MED15: variants seen among roughly 807,000 people sequenced by gnomAD.
MED15 encodes mediator complex subunit 15, also known as mediator of RNA polymerase II transcription subunit 15.
In MED15, 41 loss-of-function variants were observed where a neutral mutation model predicts 118.7. The observed-to-expected ratio is 0.35, with a 90% CI of 0.27 to 0.45. The LOEUF is 0.45. Among genes scored for constraint, MED15 ranks in the 20% least tolerant of loss-of-function variants. The pLI is 1.00. For missense variants in MED15, 740 were observed against 1,025.5 expected, an observed-to-expected ratio of 0.72 and a Z score of 3.80; for synonymous variants, 436 against 413.9, an observed-to-expected ratio of 1.05 and a Z score of -0.65.
chr22:20,525,364 C>T (rs762990686), intron 1 of MED15, among the ~76,000 whole-genome samples: 1 of 151,726 alleles, frequency 6.6e-6, no homozygotes, highest in Non-Finnish European at 1.5e-5. Flanking sequence ...AGGCGTGGGC[C>T]ACCACGCCCA....
At chr22:20,584,330 C>CT in intron 13 of MED15, 29 bp from the exon 14 acceptor site, 1 of 1,611,336 alleles carries the variant, frequency 6.2e-7, no homozygotes, top group Non-Finnish European at 8.5e-7. Context: ...GTCTTCCACT[C>CT]TTTCAGCCCA....
chr22:20,520,966 C>A (rs2054426344), intron 1 of MED15, among the ~76,000 whole-genome samples: 1 of 151,786 alleles, frequency 6.6e-6, no homozygotes, highest in African/African-American at 2.4e-5. Flanking sequence ...TCTCGAACTC[C>A]TGGGCTCAAG....
intron 1 of MED15, 47 bp downstream of exon 1, chr22:20,507,793 T>C (rs749166692): frequency 6.2e-7 from 1 of 1,611,864 alleles, no homozygotes. Context: ...ACCTTCCTCC[T>C]TAGCGTGGCG....
At chr22:20,563,035 CAAAA>C (rs201833043) in intron 5 of MED15, among the ~76,000 whole-genome samples, 1 of 141,688 alleles carries the variant, frequency 7.1e-6, no homozygotes, top group East Asian at 2.0e-4. Flanking sequence ...GACCCCACCT[CAAAA>C]AAAAAAAATC....
chr22:20,549,991 T>G (rs1049714107), intron 2 of MED15, among the ~76,000 whole-genome samples: 28 of 152,246 alleles, frequency 1.8e-4, no homozygotes, highest in Admixed American at 2.0e-4. Flanking sequence ...CCCCTTGTTT[T>G]ACCTTTTATG....
intron 1 of MED15, among the ~76,000 whole-genome samples, chr22:20,512,622 C>T (rs888799856): frequency 1.6e-5 from 2 of 128,536 alleles, no homozygotes; most frequent in African/African-American, 3.0e-5. Flanking sequence ...GGTGGAGTCT[C>T]GCTCTGTTGC....
intron 2 of MED15, among the ~76,000 whole-genome samples, chr22:20,537,998 C>T (rs957669751): frequency 6.6e-6 from 1 of 152,146 alleles, no homozygotes; most frequent in Non-Finnish European, 1.5e-5. Flanking sequence ...GTTTGATAAG[C>T]TTTTTCTTTT....
At position 20,583,142 on chromosome 22, in the gene MED15, G is replaced by A. The variant is rs370754885; in HGVS notation, c.1567G>A (p.Gly523Ser). 2 of 1,605,678 alleles carry A rather than the reference G, an allele frequency of 1.2e-6. No homozygotes were observed. The highest frequency in any genetic ancestry group is 8.5e-7 in the Non-Finnish European group (1 of 1,176,142). ...VNPSSVMSPA[G>S]SSQAEEQQYL... Reference sequence around the variant, plus strand: ...CCCCAGCTCTGTCATGAGCCCAGCTGGCTCCAGCCAGGCTGAGGAGCAGCA... The same window carrying A: ...CCCCAGCTCTGTCATGAGCCCAGCTAGCTCCAGCCAGGCTGAGGAGCAGCA... Residue 523 changes from glycine (G) to serine (S), a missense_variant, in exon 12 of 18, where the codon GGC becomes AGC. By Grantham distance (56) the Gly-to-Ser change is moderately conservative. Coordinates refer to ENST00000263205, the MANE Select transcript of MED15 (RefSeq NM_001003891.3).
At position 20,583,022 on chromosome 22, in the gene MED15, C is replaced by T. The variant is rs568152040; in HGVS notation, c.1537+55C>T. ...TCCTCACCTTTATGAGGCCTCAGCTCATACTGGGTGTGCGAGCTCTGGGGC... is the reference window on the plus strand; with the variant it reads ...TCCTCACCTTTATGAGGCCTCAGCTTATACTGGGTGTGCGAGCTCTGGGGC... On this transcript the variant is annotated intron_variant, in intron 11 of 17. Transcript: ENST00000263205. 9.5e-6 allele frequency: 15 copies of T among 1,583,844 alleles called. No individual in the cohort carries two copies. The East Asian group carries it at 2.5e-4, about 26-fold the overall frequency.
chr22:20,555,047 G>A lies in MED15; in HGVS notation c.350G>A (p.Gly117Asp). The A allele has an allele frequency of 1.9e-6, 3 of 1,612,788 alleles. No individual in the cohort carries two copies. Among genetic ancestry groups the A allele is most frequent in the East Asian group, 2.2e-5 (1 of 44,870 alleles). ...GQSLGGMGSLGAMGQPMSLSG... is the reference protein window; with the variant it reads ...GQSLGGMGSLDAMGQPMSLSG... Reference sequence around the variant, plus strand: ...TCTCTGGGCGGGATGGGTAGCCTTGGTGCCATGGGACAGCCAATGTCTCTC... The same window carrying A: ...TCTCTGGGCGGGATGGGTAGCCTTGATGCCATGGGACAGCCAATGTCTCTC... Residue 117 changes from glycine to aspartate, a missense_variant, in exon 5 of 18, where the codon GGT (glycine) becomes GAT (aspartate). Physicochemically the swap from Gly to Asp is moderately conservative, Grantham distance 94 (BLOSUM62 -1). Transcript: ENST00000263205.
chr22:20,523,018 T>C (rs2054516517), intron 1 of MED15: 1 of 152,226 alleles, frequency 6.6e-6, no homozygotes, highest in Non-Finnish European at 1.5e-5. Flanking sequence ...CGGATAACAT[T>C]GTAGAAGACT....
In MED15 at chr22:20,511,145, A is replaced by G. The variant is rs1251159073; in HGVS notation, c.68+3399A>G. 2.0e-5 allele frequency among the ~76,000 whole-genome samples: 3 copies of G among 152,160 alleles called. No homozygotes were observed. In the East Asian group the frequency reaches 5.8e-4, roughly 29 times the overall value. On this transcript the variant is annotated intron_variant, in intron 1 of 17. Transcript: ENST00000263205. Reference sequence around the variant, plus strand: ...TCTTAACTTCCTCCCATGTTTTTACACTGTTGTTTAAATTTGGCCATTTTG... The same window carrying G: ...TCTTAACTTCCTCCCATGTTTTTACGCTGTTGTTTAAATTTGGCCATTTTG...
chr22:20,540,000 A>G (rs896731121), intron 2 of MED15, among the ~76,000 whole-genome samples: 1 of 152,138 alleles, frequency 6.6e-6, no homozygotes, highest in African/African-American at 2.4e-5. Flanking sequence ...ATTTGCAAAT[A>G]TATAGGGGGG....
At chr22:20,575,038 G>T in intron 8 of MED15, 75 bp from the exon 9 acceptor site, 3 of 1,596,340 alleles carry the variant, frequency 1.9e-6, no homozygotes, top group Non-Finnish European at 2.6e-6. Flanking sequence ...GAGGCTACAC[G>T]TGCCCTCTCC....
At chr22:20,561,330 C>G (rs5758631) in intron 5 of MED15, among the ~76,000 whole-genome samples, 9,191 of 152,104 alleles carry the variant, frequency 0.06, 637 homozygotes, top group East Asian at 0.38. Context: ...GCGATCCTGG[C>G]CAACATGGTG....
intron 5 of MED15, among the ~76,000 whole-genome samples, chr22:20,557,882 G>A (rs1249126145): frequency 4.6e-5 from 7 of 152,262 alleles, no homozygotes; most frequent in South Asian, 2.1e-4. Flanking sequence ...TGAGGCGGGC[G>A]GATCACGAGG....
At chr22:20,566,058 T>C (rs1025058468) in intron 6 of MED15, among the ~76,000 whole-genome samples, 4 of 151,006 alleles carry the variant, frequency 2.6e-5, no homozygotes, top group Non-Finnish European at 4.4e-5. Flanking sequence ...TTTGAGACTT[T>C]TTTTTGCCTC....
chr22:20,528,313 A>G (rs926475144), intron 1 of MED15, among the ~76,000 whole-genome samples: 16 of 152,156 alleles, frequency 1.1e-4, no homozygotes, highest in Non-Finnish European at 2.1e-4. Context: ...CCTTTTTAGC[A>G]CCAGGGACCG....
chr22:20,520,165 A>G (rs2054395617), intron 1 of MED15, among the ~76,000 whole-genome samples: 2 of 151,966 alleles, frequency 1.3e-5, no homozygotes, highest in Admixed American at 1.3e-4. Context: ...CAGCCTACGT[A>G]CCCCTTGCTT....
Sources: allele counts gnomAD v4.1 joint callset (sites outside exome capture counted in the v4.1 genomes callset), GRCh38; gene constraint gnomAD v4.1.1; transcripts MANE v1.5; gene names NCBI Gene and HGNC (gene_info 2026-07-23, HGNC 2026-07-21).